Variants in TNFAIP3 observed in about 807,000 individuals in gnomAD.
TNFAIP3 encodes the protein TNF alpha induced protein 3.
In TNFAIP3, 9 loss-of-function variants were observed where a neutral mutation model predicts 72.4. That is an observed-to-expected ratio of 0.12 (90% CI 0.07 to 0.22). The LOEUF (loss-of-function observed/expected upper bound fraction) is 0.22. TNFAIP3 is among the 10% of genes least tolerant of loss of function. The pLI is 1.00. For missense variants in TNFAIP3, 833 were observed against 1,018.7 expected (o/e 0.82, Z 2.48); for synonymous variants, 339 against 372.6 (o/e 0.91, Z 1.04).
chr6:137,870,974 T>A (rs1776038638), intron 1 of TNFAIP3, among the ~76,000 whole-genome samples: 3 of 152,238 alleles, frequency 2.0e-5, no homozygotes, highest in Non-Finnish European at 4.4e-5. Flanking sequence ...CAGTACCCAC[T>A]CTCTGCCTTC....
Position 137,871,187 on chromosome 6 carries a change from CT to C in TNFAIP3, c.-15-15del, listed in dbSNP as rs3214646. On this transcript the variant is annotated intron_variant, in intron 1 of 8. Coordinates refer to ENST00000612899, the MANE Select transcript of TNFAIP3 (RefSeq NM_001270508.2). The surrounding 1 kb of genome is among the most constrained non-coding windows in gnomAD (Gnocchi z 4.2). Reference sequence around the variant, plus strand: ...TATTAAAGTCAGGCTAATAGAATGGCTTTTTTTTTTTCCTTTCCTTTTCAGG... The same window carrying C: ...TATTAAAGTCAGGCTAATAGAATGGCTTTTTTTTTTCCTTTCCTTTTCAGG... 0.059 allele frequency: 51,135 copies of C among 869,264 alleles called. No homozygotes were observed. The highest frequency in any genetic ancestry group is 0.11 in the South Asian group (4,498 of 42,106). The allele number at this position is 869,264 out of a possible 1,614,324, so 53.8% of individuals were successfully genotyped here.
At position 137,872,625 on chromosome 6, in the gene TNFAIP3, T is replaced by C. The variant is rs553044565; in HGVS notation, c.295+1103T>C. The stretch of plus-strand genomic sequence containing the variant: ...TTTTGATTCTGGGGGCTCTTGTACA[T>C]TACCCCAACGTCTTGCCTAGATTTA... On this transcript the variant is annotated intron_variant, in intron 2 of 8. Transcript: ENST00000612899. Among the ~76,000 whole-genome samples the C allele has an allele frequency of 9.7e-4, 148 of 152,320 alleles. 2 individuals are homozygous for C. Among genetic ancestry groups the C allele is most frequent in the African/African-American group, 3.2e-3 (135 of 41,562 alleles).
intron 7 of TNFAIP3, among the ~76,000 whole-genome samples, chr6:137,879,690 T>A (rs1005302906): frequency 6.6e-6 from 1 of 152,248 alleles, no homozygotes; most frequent in African/African-American, 2.4e-5. Flanking sequence ...AACTTAGATA[T>A]AACAGAACAA....
chr6:137,876,873 A>G (rs1048777559), intron 5 of TNFAIP3, among the ~76,000 whole-genome samples: 1 of 152,192 alleles, frequency 6.6e-6, no homozygotes, highest in Non-Finnish European at 1.5e-5. Flanking sequence ...AGGCTGGTTA[A>G]TGTTATGTGA....
In TNFAIP3 at chr6:137,878,945, C is replaced by G. The variant is rs753953828; in HGVS notation, c.1500C>G (p.Asn500Lys). 9 of 1,614,076 alleles carry G rather than the reference C, an allele frequency of 5.6e-6. No homozygotes were observed. Among genetic ancestry groups the G allele is most frequent in the Non-Finnish European group, 6.8e-6 (8 of 1,180,042 alleles). Reference sequence around the variant, plus strand: ...ACGGATTTTGTGAACGTTGCCACAACGCCCGGCAACTTCACGCCAGCCACG... The same window carrying G: ...ACGGATTTTGTGAACGTTGCCACAAGGCCCGGCAACTTCACGCCAGCCACG... Reference protein sequence around the residue: ...QHNGFCERCHNARQLHASHAP... With the variant: ...QHNGFCERCHKARQLHASHAP... The change falls in exon 7 of 9, where the codon AAC (asparagine) becomes AAG (lysine). Residue 500 changes from asparagine to lysine, a missense_variant. Asn to Lys is a moderately conservative substitution (Grantham distance 94, BLOSUM62 0). Coordinates refer to ENST00000612899, the MANE Select transcript of TNFAIP3 (RefSeq NM_001270508.2).
At chr6:137,875,660 A>C in intron 3 of TNFAIP3, 28 bp from the exon 4 acceptor site, 1 of 1,613,448 alleles carries the variant, frequency 6.2e-7, no homozygotes, top group Non-Finnish European at 8.5e-7. Flanking sequence ...GATACATTCA[A>C]GCTTTTTTTT....
chr6:137,875,032 T>C lies in TNFAIP3; in HGVS notation c.483T>C (p.Thr161=), dbSNP rs1776194699. The change falls in exon 3 of 9, where the codon ACT becomes ACC. Residue 161 remains threonine, a synonymous_variant. Transcript: ENST00000612899. Reference sequence around the variant, plus strand: ...TTGAAACGGGGCTTTGCTATGATACTCGGGTAGGTTTTTCCCCCTAATTAT... The same window carrying C: ...TTGAAACGGGGCTTTGCTATGATACCCGGGTAGGTTTTTCCCCCTAATTAT... ...EFVETGLCYD[T]RNWNDEWDNL... 6.2e-6 allele frequency: 10 copies of C among 1,614,120 alleles called. No individual in the cohort carries two copies. Among genetic ancestry groups the C allele is most frequent in the Non-Finnish European group, 7.6e-6 (9 of 1,180,030 alleles).
In TNFAIP3 at chr6:137,871,553, C is replaced by T. The variant is rs1562267975; in HGVS notation, c.295+31C>T. On this transcript the variant is annotated intron_variant, in intron 2 of 8. Transcript: ENST00000612899. This position sits in a 1 kb window ranked among gnomAD's most constrained non-coding sequence, Gnocchi z 4.2. ...ACTTGTTCTGTTGTGTTTCTTTTGC[C>T]TGGGTGATAGCTCCCGCCTGCTGGA... The T allele has an allele frequency of 6.2e-7, 1 of 1,603,530 alleles. No individual in the cohort carries two copies.
chr6:137,875,084 T>C (rs1776199006), intron 3 of TNFAIP3, 49 bp downstream of exon 3: 1 of 1,606,928 alleles, frequency 6.2e-7, no homozygotes, highest in Non-Finnish European at 8.5e-7. Context: ...ATGGTGGGCA[T>C]AGGGTACCCC....
At chr6:137,867,037 G>GGCGGGGCGGGGCA (rs1217244257), upstream of TNFAIP3, among the ~76,000 whole-genome samples, 1 of 149,906 alleles carries the variant, frequency 6.7e-6, no homozygotes, top group Non-Finnish European at 1.5e-5. This position sits in a 1 kb window ranked among gnomAD's most constrained non-coding sequence, Gnocchi z 6.0. Flanking sequence ...GCAGGGACCG[G>GGCGGGGCGGGGCA]GCGGGGCGGG....
intron 6 of TNFAIP3, 22 bp downstream of exon 6, chr6:137,877,278 C>T (rs1372840465): frequency 5.0e-5 from 79 of 1,594,820 alleles, no homozygotes; most frequent in Non-Finnish European, 6.5e-5. Flanking sequence ...ATGTTCAGCT[C>T]TCTCCTGTGT....
chr6:137,870,965 A>G (rs542740051), intron 1 of TNFAIP3, among the ~76,000 whole-genome samples: 3 of 152,332 alleles, frequency 2.0e-5, no homozygotes, highest in East Asian at 3.9e-4. Context: ...CCTCCTCCTC[A>G]GTACCCACTC....
rs5029965 is a variant in TNFAIP3, at chr6:137,879,715, G to A, written c.1907-356G>A. ...TAACAGAACAATCTTAAAATCTGAA[G>A]AGTAGTAACTGGAGAGAAGGAAGTC... On this transcript the variant is annotated intron_variant, in intron 7 of 8. Transcript: ENST00000612899. 8.6e-3 allele frequency among the ~76,000 whole-genome samples: 1,312 copies of A among 152,312 alleles called. 11 individuals carry two copies. Among genetic ancestry groups the A allele is most frequent in the Non-Finnish European group, 0.013 (870 of 68,024 alleles).
At position 137,879,159 on chromosome 6, in the gene TNFAIP3, C is replaced by A. The variant is rs1430601409; in HGVS notation, c.1714C>A (p.Arg572=). ...CAAGTCAGATCCCTCGCGGCTCGTC[C>A]GGAGCCCCTCCCCGCATTCTTGCCA... is the stretch of plus-strand genomic sequence containing the variant. ...RSKSDPSRLV[R]SPSPHSCHRA... is the part of the protein sequence containing the mutation. Residue 572 remains arginine (R), a synonymous_variant, in exon 7 of 9, where the codon CGG becomes AGG. Transcript: ENST00000612899. 6.2e-7 allele frequency: 1 copy of A among 1,614,006 alleles called. No homozygotes were observed. The highest frequency in any genetic ancestry group is 8.5e-7 in the Non-Finnish European group (1 of 1,180,036).
rs964981131 is a variant in TNFAIP3 at position 137,882,966 on chromosome 6, C to G, written c.*1647C>G. ...CTGAAAATATTTGTGATCCATAACT[C>G]TACACAGCCTTTACTCATACTATTA... On this transcript the variant is annotated 3_prime_UTR_variant, in exon 9 of 9. Transcript: ENST00000612899. 8 of 224,186 alleles carry G rather than the reference C, an allele frequency of 3.6e-5. No homozygotes were observed. In the East Asian group the frequency reaches 3.9e-4, roughly 11 times the overall value. 13.9% of individuals were successfully genotyped at this position (224,186 alleles called of 1,614,324 possible).
At chr6:137,876,310 G>A (rs983629907) in intron 5 of TNFAIP3, 144 bp downstream of exon 5, 1 of 701,806 alleles carries the variant, frequency 1.4e-6, no homozygotes, top group Non-Finnish European at 2.4e-6. Context: ...GTTAGTAAGA[G>A]TAATGCAGTA....
At position 137,875,155 on chromosome 6, in the gene TNFAIP3, C is replaced by T. The variant is rs1014231397; in HGVS notation, c.486+120C>T. The stretch of plus-strand genomic sequence containing the variant: ...ACTAGGTCACATGAATTTGGCTAAG[C>T]GAAGCATACTCAATGGAAAACACCA... On this transcript the variant is annotated intron_variant, in intron 3 of 8. Coordinates refer to ENST00000612899, the MANE Select transcript of TNFAIP3 (RefSeq NM_001270508.2). The T allele has an allele frequency of 6.8e-6, 8 of 1,170,782 alleles. No individual in the cohort carries two copies. The East Asian group carries it at 9.6e-5, about 14-fold the overall frequency. The allele number at this position is 1,170,782 out of a possible 1,614,324, so 72.5% of individuals were successfully genotyped here. A position where few individuals can be genotyped will look rare whatever the true frequency, so the allele number is the denominator to read the frequency against.
intron 1 of TNFAIP3, among the ~76,000 whole-genome samples, chr6:137,869,296 G>A (rs1200632442): frequency 5.3e-5 from 8 of 151,914 alleles, no homozygotes; most frequent in African/African-American, 1.9e-4. Flanking sequence ...TCAGTAGGTG[G>A]TCAGGTAGTG....
chr6:137,881,495 G>A lies in TNFAIP3; in HGVS notation c.*176G>A, dbSNP rs1018223400. The A allele has an allele frequency of 7.3e-6, 4 of 545,888 alleles. No individual in the cohort carries two copies. The highest frequency in any genetic ancestry group is 5.8e-5 in the African/African-American group (3 of 51,300). 33.8% of individuals were successfully genotyped at this position (545,888 alleles called of 1,614,324 possible). ...ACGATGCTCAGGTTTGGTAACCCGG[G>A]AGTGTTCCCAGGTGGCCTTAGAAAG... On this transcript the variant is annotated 3_prime_UTR_variant, in exon 9 of 9. Coordinates refer to ENST00000612899, the MANE Select transcript of TNFAIP3 (RefSeq NM_001270508.2). This position sits in a 1 kb window ranked among gnomAD's most constrained non-coding sequence, Gnocchi z 5.0.
Sources: gnomAD v4.1 joint callset for allele counts (sites outside exome capture counted in the v4.1 genomes callset) on GRCh38, gnomAD v4.1.1 for gene constraint, Gnocchi (gnomAD v3.1) non-coding constraint, MANE v1.5 for transcripts, NCBI Gene and HGNC (gene_info 2026-07-23, HGNC 2026-07-21) for gene names.